The following IL1RAPL1 variants were observed in gnomAD, a reference collection of about 807,000 sequenced individuals.
IL1RAPL1 encodes interleukin-1 receptor accessory protein-like 1.
Under a neutral mutation model 48.4 loss-of-function variants are expected in IL1RAPL1, and 3 were observed. The observed-to-expected ratio is 0.06, with a 90% CI of 0.03 to 0.16. The LOEUF is 0.16. IL1RAPL1 is among the 10% of genes least tolerant of loss of function. The pLI, the probability that IL1RAPL1 is intolerant of heterozygous loss-of-function variation, is 1.00. For synonymous variants in IL1RAPL1, 185 were observed against 187.7 expected, an observed-to-expected ratio of 0.99 and a Z score of 0.12; for missense variants, 349 against 530.6, an observed-to-expected ratio of 0.66 and a Z score of 3.36.
intron 2 of IL1RAPL1, among the ~76,000 whole-genome samples, chrX:28,925,583 T>G (rs1235270345): frequency 8.9e-6 from 1 of 111,847 alleles, no homozygotes. Flanking sequence ...CGCAACCCTG[T>G]ACAGTAATTA....
intron 2 of IL1RAPL1, among the ~76,000 whole-genome samples, chrX:28,876,311 C>T (rs1431723227): frequency 8.9e-6 from 1 of 111,743 alleles, no homozygotes; most frequent in Admixed American, 9.5e-5. Flanking sequence ...TAAATGCTGT[C>T]GTCCAGAAGT....
chrX:28,830,638 A>G (rs1921019792), intron 2 of IL1RAPL1, among the ~76,000 whole-genome samples: 1 of 111,407 alleles, frequency 9.0e-6, no homozygotes, highest in Non-Finnish European at 1.9e-5. Context: ...TAGTAGGTTC[A>G]GTACTTGGGC....
At chrX:28,873,313 G>A (rs1049154116) in intron 2 of IL1RAPL1, among the ~76,000 whole-genome samples, 1 of 106,389 alleles carries the variant, frequency 9.4e-6, no homozygotes, top group Non-Finnish European at 1.9e-5. Context: ...GTTTCACCAC[G>A]TTGGCCAGAC....
At chrX:29,727,471 A>G (rs1432582191) in intron 6 of IL1RAPL1, among the ~76,000 whole-genome samples, 1 of 112,272 alleles carries the variant, frequency 8.9e-6, no homozygotes, top group Non-Finnish European at 1.9e-5. Flanking sequence ...AGGGTCCCCT[A>G]ACACATCTAT....
chrX:28,591,479 C>T (rs1258992173), intron 1 of IL1RAPL1, among the ~76,000 whole-genome samples: 3 of 111,854 alleles, frequency 2.7e-5, no homozygotes, highest in African/African-American at 9.7e-5. Context: ...TGGTGTTTGG[C>T]AAATCTTGTG....
At chrX:28,701,887 T>G (rs762088239) in intron 1 of IL1RAPL1, among the ~76,000 whole-genome samples, 1 of 111,798 alleles carries the variant, frequency 8.9e-6, no homozygotes, top group East Asian at 2.8e-4. Context: ...TTTACTAAAA[T>G]GAAGGCATAA....
intron 2 of IL1RAPL1, among the ~76,000 whole-genome samples, chrX:28,904,268 G>A (rs896688711): frequency 4.8e-4 from 54 of 111,438 alleles, no homozygotes; most frequent in African/African-American, 1.7e-3. Context: ...AAGTGCAGGA[G>A]ATGGAAAAAA....
At chrX:28,776,980 A>G (rs1013263080) in intron 1 of IL1RAPL1, among the ~76,000 whole-genome samples, 1 of 112,271 alleles carries the variant, frequency 8.9e-6, no homozygotes, top group Non-Finnish European at 1.9e-5. Flanking sequence ...CTTTTCAAAT[A>G]TTTTACTAGC....
intron 2 of IL1RAPL1, among the ~76,000 whole-genome samples, chrX:29,047,313 A>G (rs974664238): frequency 5.4e-5 from 6 of 112,002 alleles, no homozygotes; most frequent in African/African-American, 1.9e-4. Flanking sequence ...ACAATATGAT[A>G]TCATGCAACT....
chrX:28,996,365 A>G (rs1443569021), intron 2 of IL1RAPL1, among the ~76,000 whole-genome samples: 1 of 111,677 alleles, frequency 9.0e-6, no homozygotes, highest in Non-Finnish European at 1.9e-5. Flanking sequence ...TAATCATTTG[A>G]TGATCATTTG....
At chrX:29,876,052 C>T (rs1931895297) in intron 6 of IL1RAPL1, among the ~76,000 whole-genome samples, 1 of 110,812 alleles carries the variant, frequency 9.0e-6, no homozygotes, top group Non-Finnish European at 1.9e-5. Context: ...TAGTAGGCCC[C>T]CGTGTATTAG....
chrX:29,596,799 A>G (rs1272869265), intron 5 of IL1RAPL1, among the ~76,000 whole-genome samples: 1 of 111,758 alleles, frequency 8.9e-6, no homozygotes, highest in Non-Finnish European at 1.9e-5. Flanking sequence ...GGGTATCCTT[A>G]TCGTGTTCCA....
Position 28,929,379 on chromosome X carries a change from A to G in IL1RAPL1, c.82+139954A>G, listed in dbSNP as rs771693687. The stretch of plus-strand genomic sequence containing the variant: ...ACATTGTTATTCTGTTCATGACTGT[A>G]TTAGTACCAGGTTGTGGCTGTTTCT... On this transcript the variant is annotated intron_variant, in intron 2 of 10. Coordinates refer to ENST00000378993, the MANE Select transcript of IL1RAPL1 (RefSeq NM_014271.4). Among the ~76,000 whole-genome samples, 9 of 112,087 alleles carry G rather than the reference A, an allele frequency of 8.0e-5. No individual in the cohort carries two copies. In the East Asian group the frequency reaches 2.5e-3, roughly 31 times the overall value.
In IL1RAPL1 at chrX:28,947,403, G is replaced by A. The variant is rs765192327; in HGVS notation, c.82+157978G>A. On this transcript the variant is annotated intron_variant, in intron 2 of 10. Transcript: ENST00000378993. ...GGCTGGTATGGTAAGTGCCATGAGAGGTACAAAGATGAGGATACTGTGGTC... is the reference window on the plus strand; with the variant it reads ...GGCTGGTATGGTAAGTGCCATGAGAAGTACAAAGATGAGGATACTGTGGTC... 3.4e-3 allele frequency among the ~76,000 whole-genome samples: 379 copies of A among 111,236 alleles called. 3 individuals are homozygous for A. The highest frequency in any genetic ancestry group is 0.011 in the African/African-American group (344 of 30,625).
At chrX:29,072,773 C>T (rs1166281981) in intron 2 of IL1RAPL1, among the ~76,000 whole-genome samples, 1 of 112,133 alleles carries the variant, frequency 8.9e-6, no homozygotes, top group Non-Finnish European at 1.9e-5. Context: ...ACTCTAAACT[C>T]TGAGAGTGTC....
intron 1 of IL1RAPL1, among the ~76,000 whole-genome samples, chrX:28,726,113 A>G (rs1298006902): frequency 8.9e-6 from 1 of 112,060 alleles, no homozygotes; most frequent in Non-Finnish European, 1.9e-5. Flanking sequence ...TCAGATAGGT[A>G]TCTGGATTCA....
chrX:29,809,188 C>T (rs1198142508), intron 6 of IL1RAPL1, among the ~76,000 whole-genome samples: 2 of 107,800 alleles, frequency 1.9e-5, no homozygotes, highest in Non-Finnish European at 3.8e-5. Context: ...ACCTCTGCCT[C>T]CCGGGTTCAA....
intron 6 of IL1RAPL1, among the ~76,000 whole-genome samples, chrX:29,819,553 C>T (rs1930564873): frequency 9.0e-6 from 1 of 110,789 alleles, no homozygotes. Flanking sequence ...AAAAACAAAA[C>T]CAACAATCAT....
chrX:29,582,386 TTTA>T, intron 5 of IL1RAPL1, among the ~76,000 whole-genome samples: 1 of 105,849 alleles, frequency 9.4e-6, no homozygotes, highest in East Asian at 2.8e-4. Flanking sequence ...TATTTTTATT[TTTA>T]TTTTTTATTT....
Sources: allele counts gnomAD v4.1 joint callset (sites outside exome capture counted in the v4.1 genomes callset), GRCh38; gene constraint gnomAD v4.1.1; transcripts MANE v1.5; gene names NCBI Gene and HGNC (gene_info 2026-07-23, HGNC 2026-07-21).